The following WDR17 variants were observed in gnomAD, a reference collection of about 807,000 sequenced individuals.
WDR17 encodes WD repeat-containing protein 17.
Under a neutral mutation model 161.7 loss-of-function variants are expected in WDR17, and 143 were observed. That is an observed-to-expected ratio of 0.88 (90% CI 0.77 to 1.02). The LOEUF (loss-of-function observed/expected upper bound fraction) is 1.02. Ranked by LOEUF, WDR17 falls within the 50% of genes least tolerant of loss-of-function variation. The pLI, the probability that WDR17 is intolerant of heterozygous loss-of-function variation, is 0.00. For missense variants in WDR17, 1,469 were observed against 1,520.9 expected (o/e 0.97, Z 0.57); for synonymous variants, 517 against 515.6 (o/e 1.00, Z -0.04).
intron 1 of WDR17, among the ~76,000 whole-genome samples, chr4:176,108,687 A>G (rs929796215): frequency 1.3e-5 from 2 of 152,150 alleles, no homozygotes; most frequent in African/African-American, 4.8e-5. Flanking sequence ...TGAGGGGTAT[A>G]TGGGAAATCT....
intron 1 of WDR17, among the ~76,000 whole-genome samples, chr4:176,090,478 G>A (rs897976090): frequency 2.0e-5 from 3 of 152,066 alleles, no homozygotes; most frequent in Non-Finnish European, 2.9e-5. Flanking sequence ...CAGCCTTATA[G>A]CAAGACAAAC....
intron 20 of WDR17, 103 bp from the exon 21 acceptor site, chr4:176,161,972 T>G: frequency 1.0e-6 from 1 of 982,242 alleles, no homozygotes; most frequent in Non-Finnish European, 1.5e-6. Context: ...CATGTCAAAT[T>G]AAATTTTATT....
In WDR17 at chr4:176,149,969, T is replaced by C. The variant is rs199970569; in HGVS notation, c.2047+13T>C. ...ATTGGGAACACTGGTATGGAACATA[T>C]ACATGTATTAGAGTTTATTTCTAAA... On this transcript the variant is annotated intron_variant, in intron 14 of 28. Coordinates refer to ENST00000508596, the MANE Select transcript of WDR17 (RefSeq NM_181265.4). The C allele has an allele frequency of 4.2e-4, 683 of 1,611,312 alleles. No individual in the cohort carries two copies. The highest frequency in any genetic ancestry group is 5.6e-4 in the Non-Finnish European group (655 of 1,179,384).
chr4:176,096,621 GA>G, intron 1 of WDR17: 1 of 1,522,226 alleles, frequency 6.6e-7, no homozygotes, highest in Non-Finnish European at 8.9e-7. Context: ...GATTTCCTGC[GA>G]TTTTTTTTCT....
rs770089958 is a variant in WDR17 at position 176,135,098 on chromosome 4, A to AT, written c.1099-9dup. The stretch of plus-strand genomic sequence containing the variant: ...TCAATAATTATGACTTTTTTATGCC[A>AT]TATTCCTAGGGACATGTGGAAACTA... On this transcript the variant is annotated splice_polypyrimidine_tract_variant and intron_variant, in intron 7 of 28. Coordinates refer to ENST00000508596, the MANE Select transcript of WDR17 (RefSeq NM_181265.4). 2.8e-5 allele frequency: 45 copies of AT among 1,610,602 alleles called. No individual in the cohort carries two copies. The highest frequency in any genetic ancestry group is 3.7e-5 in the Non-Finnish European group (43 of 1,177,934).
intron 1 of WDR17, among the ~76,000 whole-genome samples, chr4:176,077,155 ATT>A (rs66817611): frequency 0.17 from 20,432 of 119,094 alleles, 2,196 homozygotes; most frequent in Admixed American, 0.27. Flanking sequence ...TTTTCTCCCA[ATT>A]TTTTTTTTTT....
intron 24 of WDR17, 104 bp downstream of exon 24, chr4:176,172,620 A>G (rs2126884894): frequency 9.7e-7 from 1 of 1,029,304 alleles, no homozygotes; most frequent in South Asian, 1.7e-5. Flanking sequence ...CTATAAAGAA[A>G]TACCTGAGGC....
At position 176,150,186 on chromosome 4, in the gene WDR17, G is replaced by A. The variant is rs976205210; in HGVS notation, c.2178+13G>A. On this transcript the variant is annotated intron_variant, in intron 15 of 28. Transcript: ENST00000508596. ...AGAATGTTTATCTGTAAGTATTACA[G>A]GAATTAAATGCGAATATTTTCCCTT... The A allele has an allele frequency of 2.5e-6, 4 of 1,608,192 alleles. No individual in the cohort carries two copies. Among genetic ancestry groups the A allele is most frequent in the Non-Finnish European group, 3.4e-6 (4 of 1,178,236 alleles).
chr4:176,101,899 A>G lies in WDR17; in HGVS notation c.-6-9676A>G, dbSNP rs536411381. On this transcript the variant is annotated intron_variant, in intron 1 of 28. Transcript: ENST00000508596. ...AACCCAAAATGCGGCATAGAACTAC[A>G]TGTAAAATGCAAAACTGTAAAACTC... Among the ~76,000 whole-genome samples, 80 of 152,338 alleles carry G rather than the reference A, an allele frequency of 5.3e-4. No homozygotes were observed. In the Middle Eastern group the frequency reaches 0.01, roughly 19 times the overall value.
chr4:176,156,160 C>A lies in WDR17; in HGVS notation c.2525+17C>A. The A allele has an allele frequency of 6.2e-7, 1 of 1,609,770 alleles. No homozygotes were observed. Among genetic ancestry groups the A allele is most frequent in the Non-Finnish European group, 8.5e-7 (1 of 1,177,770 alleles). On this transcript the variant is annotated intron_variant, in intron 18 of 28. Transcript: ENST00000508596. ...AATGCAGAGGTAAGGCAGAGAGAGT[C>A]CGTGTTAAAACAGATGTTTTAAAAT...
chr4:176,088,422 A>T (rs943270540), intron 1 of WDR17, among the ~76,000 whole-genome samples: 11 of 151,846 alleles, frequency 7.2e-5, no homozygotes, highest in African/African-American at 2.4e-5. Context: ...CTATCTCTTT[A>T]AAAAAAAATT....
intron 20 of WDR17, among the ~76,000 whole-genome samples, chr4:176,161,265 C>G (rs1349232817): frequency 1.3e-5 from 2 of 152,120 alleles, no homozygotes; most frequent in East Asian, 3.8e-4. Flanking sequence ...AAGTAAGGCA[C>G]CTAAACACTT....
chr4:176,130,945 A>G (rs1357517455), intron 6 of WDR17, among the ~76,000 whole-genome samples: 2 of 152,080 alleles, frequency 1.3e-5, no homozygotes, highest in Non-Finnish European at 2.9e-5. Flanking sequence ...TCACAGTGAT[A>G]TTTATGTAAT....
chr4:176,165,384 T>C (rs562731277), intron 22 of WDR17, among the ~76,000 whole-genome samples: 11 of 151,208 alleles, frequency 7.3e-5, no homozygotes, highest in African/African-American at 2.7e-4. Flanking sequence ...AAAAAAAAAA[T>C]TTGGCAGCAA....
chr4:176,090,281 A>C (rs1579018074), intron 1 of WDR17, among the ~76,000 whole-genome samples: 1 of 147,452 alleles, frequency 6.8e-6, no homozygotes, highest in South Asian at 2.1e-4. Flanking sequence ...AAAGCCTGGC[A>C]TTTCCTTCCT....
Position 176,180,033 on chromosome 4 carries a change from C to T in WDR17, c.*454C>T, listed in dbSNP as rs1032938586. On this transcript the variant is annotated 3_prime_UTR_variant, in exon 29 of 29. Transcript: ENST00000508596. ...GTAAGGTGTGCACAGTGATCTTCAA[C>T]TTAACAAACACTTACGTTCTCCTTT... is the stretch of plus-strand genomic sequence containing the variant. The T allele has an allele frequency of 7.9e-5, 12 of 152,038 alleles. No homozygotes were observed. Among genetic ancestry groups the T allele is most frequent in the Admixed American group, 2.6e-4 (4 of 15,262 alleles). 9.4% of individuals were successfully genotyped at this position (152,038 alleles called of 1,614,324 possible). A position where few individuals can be genotyped will look rare whatever the true frequency, so the allele number is the denominator to read the frequency against.
intron 1 of WDR17, among the ~76,000 whole-genome samples, chr4:176,091,122 C>A (rs577449547): frequency 6.6e-6 from 1 of 152,232 alleles, no homozygotes; most frequent in Non-Finnish European, 1.5e-5. Context: ...TAGTTTATGG[C>A]CAGATTTGGG....
intron 1 of WDR17, among the ~76,000 whole-genome samples, chr4:176,084,376 T>A (rs527375598): frequency 1.3e-5 from 2 of 152,058 alleles, no homozygotes; most frequent in East Asian, 3.9e-4. Context: ...ACAACCAGCT[T>A]TCCTGGGAAC....
intron 6 of WDR17, among the ~76,000 whole-genome samples, chr4:176,130,469 G>A (rs1402970688): frequency 6.6e-6 from 1 of 152,122 alleles, no homozygotes; most frequent in East Asian, 1.9e-4. Flanking sequence ...AAATGGCCGG[G>A]CGCGGTGGCT....
Sources: gnomAD v4.1 joint callset for allele counts (sites outside exome capture counted in the v4.1 genomes callset) on GRCh38, gnomAD v4.1.1 for gene constraint, MANE v1.5 for transcripts, NCBI Gene and HGNC (gene_info 2026-07-23, HGNC 2026-07-21) for gene names.